LTBP1: variants seen among roughly 807,000 people sequenced by gnomAD.
The protein encoded by LTBP1 is latent-transforming growth factor beta-binding protein 1.
LTBP1 carries 129 observed loss-of-function variants against 207.6 expected under a neutral mutation model. The ratio of observed to expected loss-of-function variants is 0.62; its 90% CI spans 0.54 to 0.72. LTBP1 has a LOEUF of 0.72. Among genes scored for constraint, LTBP1 ranks in the 30% least tolerant of loss-of-function variants. The pLI, the probability that LTBP1 is intolerant of heterozygous loss-of-function variation, is 0.00. For missense variants in LTBP1, 2,281 were observed against 2,217.2 expected (o/e 1.03, Z -0.58); for synonymous variants, 963 against 833.7 (o/e 1.16, Z -2.67).
At chr2:33,116,269 A>G (rs1468677545) in intron 4 of LTBP1, among the ~76,000 whole-genome samples, 1 of 152,232 alleles carries the variant, frequency 6.6e-6, no homozygotes, top group Non-Finnish European at 1.5e-5. Flanking sequence ...TCTAAATTGG[A>G]TTTCTCATTG....
intron 3 of LTBP1, among the ~76,000 whole-genome samples, chr2:33,040,608 C>G (rs908906329): frequency 1.3e-5 from 2 of 152,208 alleles, no homozygotes; most frequent in Non-Finnish European, 2.9e-5. Flanking sequence ...CTCACTGTCT[C>G]TTCCCTCTTC....
chr2:33,221,521 TG>T (rs1290480645), intron 8 of LTBP1, among the ~76,000 whole-genome samples: 1 of 152,216 alleles, frequency 6.6e-6, no homozygotes. Flanking sequence ...TTTAATTTCC[TG>T]ACTTCCTCTC....
At chr2:33,359,486 G>A (rs1314125671) in intron 26 of LTBP1, among the ~76,000 whole-genome samples, 2 of 152,070 alleles carry the variant, frequency 1.3e-5, no homozygotes, top group Non-Finnish European at 2.9e-5. Flanking sequence ...CAAAACAAAG[G>A]TAAGTGTAAG....
intron 5 of LTBP1, among the ~76,000 whole-genome samples, chr2:33,176,175 A>C (rs1016025982): frequency 6.6e-6 from 1 of 152,108 alleles, no homozygotes; most frequent in African/African-American, 2.4e-5. Context: ...ATAAAAAAAT[A>C]GAAAATAAAT....
At chr2:33,145,779 T>C (rs1035212088) in intron 5 of LTBP1, among the ~76,000 whole-genome samples, 1 of 152,156 alleles carries the variant, frequency 6.6e-6, no homozygotes, top group African/African-American at 2.4e-5. Flanking sequence ...ACTTGGTAAA[T>C]AGATGAATAA....
At chr2:33,143,022 C>T (rs2082754570) in intron 5 of LTBP1, among the ~76,000 whole-genome samples, 1 of 152,178 alleles carries the variant, frequency 6.6e-6, no homozygotes, top group Admixed American at 6.5e-5. Flanking sequence ...TCACTTTGGC[C>T]CTGCCCCTTC....
At chr2:33,249,921 T>C (rs1002683562) in intron 10 of LTBP1, among the ~76,000 whole-genome samples, 3 of 152,254 alleles carry the variant, frequency 2.0e-5, no homozygotes, top group Admixed American at 6.5e-5. Context: ...TTTTCTTTAG[T>C]ACAGCATAAA....
intron 19 of LTBP1, among the ~76,000 whole-genome samples, chr2:33,288,147 T>C (rs1010560649): frequency 2.6e-5 from 4 of 152,190 alleles, no homozygotes; most frequent in African/African-American, 4.8e-5. Context: ...CTTAGAGAAA[T>C]AATTGGCTAT....
At chr2:33,239,826 C>T (rs1009074077) in intron 9 of LTBP1, among the ~76,000 whole-genome samples, 28 of 151,732 alleles carry the variant, frequency 1.8e-4, no homozygotes, top group African/African-American at 6.3e-4. Flanking sequence ...ATCGCTTGAA[C>T]CTGGGAGGCG....
At chr2:33,286,395 G>A (rs13391131) in intron 19 of LTBP1, among the ~76,000 whole-genome samples, 54,420 of 152,066 alleles carry the variant, frequency 0.36, 10,571 homozygotes, top group Admixed American at 0.42. Flanking sequence ...TTTCACACTA[G>A]GCTTTATTTT....
At chr2:33,299,364 G>A (rs74463356) in intron 20 of LTBP1, among the ~76,000 whole-genome samples, 4,088 of 152,064 alleles carry the variant, frequency 0.027, 199 homozygotes, top group African/African-American at 0.092. Context: ...TTTTAAATAA[G>A]AAAATTTGAA....
intron 31 of LTBP1, among the ~76,000 whole-genome samples, chr2:33,373,282 A>C (rs2095092862): frequency 6.6e-6 from 1 of 152,222 alleles, no homozygotes; most frequent in Admixed American, 6.5e-5. Flanking sequence ...AACAAAGTTT[A>C]ATGAAACACG....
chr2:33,368,164 G>A (rs1163269731), intron 31 of LTBP1, among the ~76,000 whole-genome samples: 2 of 151,644 alleles, frequency 1.3e-5, no homozygotes, highest in African/African-American at 2.4e-5. Context: ...CCGAGATCGC[G>A]CCACTGCACT....
At position 33,037,787 on chromosome 2, in the gene LTBP1, G is replaced by A. The variant is rs556187847; in HGVS notation, c.863+16581G>A. The stretch of plus-strand genomic sequence containing the variant: ...GGCTAGAGTGCCGTGGCATGACCAT[G>A]GCTCACTGCAGCCTTGACCTGCTGG... On this transcript the variant is annotated intron_variant, in intron 3 of 33. Transcript: ENST00000404816. 1.4e-4 allele frequency among the ~76,000 whole-genome samples: 22 copies of A among 152,302 alleles called. No homozygotes were observed. In the South Asian group the frequency reaches 4.2e-3, roughly 29 times the overall value.
At chr2:33,123,404 G>A (rs1354396612) in intron 4 of LTBP1, among the ~76,000 whole-genome samples, 1 of 150,834 alleles carries the variant, frequency 6.6e-6, no homozygotes, top group South Asian at 2.1e-4. Flanking sequence ...TTTTTTTTTG[G>A]TATGGGTTTT....
At chr2:33,203,379 G>C (rs1348192067) in intron 7 of LTBP1, among the ~76,000 whole-genome samples, 1 of 152,302 alleles carries the variant, frequency 6.6e-6, no homozygotes, top group Middle Eastern at 3.4e-3. Context: ...AGAACTGCTC[G>C]TTTTACTTGG....
intron 22 of LTBP1, among the ~76,000 whole-genome samples, chr2:33,306,298 G>A (rs1020747247): frequency 1.1e-4 from 17 of 152,140 alleles, no homozygotes; most frequent in Non-Finnish European, 2.4e-4. Context: ...AGCCGGGCAT[G>A]GTGGCTCACG....
Position 33,337,299 on chromosome 2 carries a change from G to A in LTBP1, c.3731-5539G>A, listed in dbSNP as rs541195473. ...AAAAAGCATCTGGGCAAGGAAAATG[G>A]ATCTGCCAAGTAGATCAATAAAGAC... On this transcript the variant is annotated intron_variant, in intron 24 of 33. Coordinates refer to ENST00000404816, the MANE Select transcript of LTBP1 (RefSeq NM_206943.4). Among the ~76,000 whole-genome samples, 8 of 152,240 alleles carry A rather than the reference G, an allele frequency of 5.3e-5. No individual in the cohort carries two copies. In the East Asian group the frequency reaches 1.5e-3, roughly 29 times the overall value.
intron 2 of LTBP1, among the ~76,000 whole-genome samples, chr2:32,979,170 A>G (rs1018662517): frequency 2.0e-5 from 3 of 150,386 alleles, no homozygotes; most frequent in Non-Finnish European, 3.0e-5. Flanking sequence ...TCTTTTATAT[A>G]TATATTTTTT....
Sources: allele counts gnomAD v4.1 joint callset (sites outside exome capture counted in the v4.1 genomes callset), GRCh38; gene constraint gnomAD v4.1.1; transcripts MANE v1.5; gene names NCBI Gene and HGNC (gene_info 2026-07-23, HGNC 2026-07-21).